Variants in KLK5 observed in about 807,000 individuals in gnomAD.
The protein encoded by KLK5 is kallikrein related peptidase 5.
In KLK5, 18 loss-of-function variants were observed where a neutral mutation model predicts 24.0. That is an observed-to-expected ratio of 0.75 (90% CI 0.52 to 1.11). The LOEUF is 1.11. Among genes scored for constraint, KLK5 ranks in the 50% most tolerant of loss-of-function variants. The probability of loss-of-function intolerance (pLI) is 0.00; values close to 1 mark genes in which losing one functional copy is unlikely to be tolerated. For synonymous variants in KLK5, 140 were observed against 154.0 expected, an observed-to-expected ratio of 0.91 and a Z score of 0.67; for missense variants, 374 against 379.2, an observed-to-expected ratio of 0.99 and a Z score of 0.11.
chr19:50,950,613 TG>T (rs2090678470), intron 2 of KLK5, among the ~76,000 whole-genome samples: 1 of 151,806 alleles, frequency 6.6e-6, no homozygotes, highest in Non-Finnish European at 1.5e-5. Flanking sequence ...GACTTTGGGC[TG>T]GGGGCGGTGG....
At chr19:50,945,009 CCTTT>C (rs935321646) in intron 5 of KLK5, among the ~76,000 whole-genome samples, 1 of 149,318 alleles carries the variant, frequency 6.7e-6, no homozygotes, top group Non-Finnish European at 1.5e-5. Context: ...TCTCTTTCTT[CCTTT>C]CTTTCTCCTT....
intron 5 of KLK5, among the ~76,000 whole-genome samples, chr19:50,944,477 C>T (rs1349548978): frequency 2.0e-5 from 3 of 151,870 alleles, no homozygotes; most frequent in African/African-American, 7.2e-5. Flanking sequence ...TATCTCTCCG[C>T]CTCCCTTTCT....
At chr19:50,952,521 G>A (rs139397663) in intron 2 of KLK5, 64 bp downstream of exon 2, 16 of 1,249,614 alleles carry the variant, frequency 1.3e-5, no homozygotes, top group Admixed American at 1.1e-4. Flanking sequence ...GGGGACAGGC[G>A]CTCTAGTGCC....
At position 50,947,430 on chromosome 19, in the gene KLK5, C is replaced by T. The variant is rs551250132; in HGVS notation, c.726+1210G>A. On this transcript the variant is annotated intron_variant, in intron 5 of 5. Transcript: ENST00000336334. This position sits in a 1 kb window ranked among gnomAD's most constrained non-coding sequence, Gnocchi z 8.7. ...CATCCATTCTCTGCTCAAATGCCAC[C>T]TCTCCAAGGAGGCTCCCCTGACCAC... Among the ~76,000 whole-genome samples, 1 of 152,294 alleles carries T rather than the reference C, an allele frequency of 6.6e-6. No individual in the cohort carries two copies. The highest frequency in any genetic ancestry group is 2.1e-4 in the South Asian group (1 of 4,822).
Position 50,950,029 on chromosome 19 carries a change from G to A in KLK5, c.161C>T (p.Ala54Val). The A allele has an allele frequency of 1.2e-6, 2 of 1,613,578 alleles. No individual in the cohort carries two copies. The highest frequency in any genetic ancestry group is 8.5e-7 in the Non-Finnish European group (1 of 1,179,906). The change falls in exon 3 of 6, where the codon GCC (alanine) becomes GTC (valine). Residue 54 changes from alanine to valine, a missense_variant. Transcript: ENST00000336334. ...SGSNQDLGAGAGEDARSDDSS... is the reference protein window; with the variant it reads ...SGSNQDLGAGVGEDARSDDSS... ...GTCATCCGACCGGGCGTCTTCCCCG[G>A]CCCCAGCTCCCAGGTCCTGGTTGCT...
rs1302756265 is a variant in KLK5, at chr19:50,952,846, C to T, written c.-111G>A. 3 of 449,018 alleles carry T rather than the reference C, an allele frequency of 6.7e-6. No individual in the cohort carries two copies. Among genetic ancestry groups the T allele is most frequent in the Non-Finnish European group, 7.9e-6 (2 of 254,558 alleles). 27.8% of individuals were successfully genotyped at this position (449,018 alleles called of 1,614,324 possible). ...AATTCAGAAGATAGGAGTCTAGCAG[C>T]CTCCAGACAGGGCAAGGAGGGGACA... On this transcript the variant is annotated 5_prime_UTR_variant, in exon 1 of 6. Transcript: ENST00000336334.
At position 50,943,517 on chromosome 19, in the gene KLK5, G is replaced by A. The variant is rs187240680; in HGVS notation, c.*114C>T. The A allele has an allele frequency of 2.4e-3, 2,431 of 1,023,216 alleles. 5 individuals carry two copies. Among genetic ancestry groups the A allele is most frequent in the Non-Finnish European group, 3.1e-3 (2,065 of 669,892 alleles). 63.4% of individuals were successfully genotyped at this position (1,023,216 alleles called of 1,614,324 possible). On this transcript the variant is annotated 3_prime_UTR_variant, in exon 6 of 6. Transcript: ENST00000336334. Reference sequence around the variant, plus strand: ...TGAGTCCAGGAGACATGGGGTCAGGGGCTGGAGAGATGAACATTCTCAACA... The same window carrying A: ...TGAGTCCAGGAGACATGGGGTCAGGAGCTGGAGAGATGAACATTCTCAACA...
chr19:50,948,294 G>A lies in KLK5; in HGVS notation c.726+346C>T, dbSNP rs185745090. Among the ~76,000 whole-genome samples the A allele has an allele frequency of 2.3e-3, 355 of 151,910 alleles. 2 individuals are homozygous for A. Among genetic ancestry groups the A allele is most frequent in the Middle Eastern group, 3.4e-3 (1 of 294 alleles). ...CCGCCACCATGCCAGGCTAATTTTT[G>A]TATTTTTTTTTAGAGACAGAGTTTC... On this transcript the variant is annotated intron_variant, in intron 5 of 5. Transcript: ENST00000336334.
At chr19:50,945,105 T>A (rs1462914963) in intron 5 of KLK5, among the ~76,000 whole-genome samples, 1 of 137,156 alleles carries the variant, frequency 7.3e-6, no homozygotes, top group Non-Finnish European at 1.6e-5. Context: ...TTCGTCTCTT[T>A]TTTTTTTCTT....
In KLK5 at chr19:50,949,877, T is replaced by G; in HGVS notation, c.313A>C (p.Thr105Pro). ...AVLVHPQWLL[T>P]AAHCRKKVFR... ...CACTTCTTCCTGCAGTGGGCGGCCGTGAGCAGCCACTGTGGATGCACCAAC... is the reference window on the plus strand; with the variant it reads ...CACTTCTTCCTGCAGTGGGCGGCCGGGAGCAGCCACTGTGGATGCACCAAC... The change falls in exon 3 of 6, where the codon ACG becomes CCG. Residue 105 changes from threonine (T) to proline (P), a missense_variant. Transcript: ENST00000336334. 6.9e-7 allele frequency: 1 copy of G among 1,439,524 alleles called. No homozygotes were observed. Among genetic ancestry groups the G allele is most frequent in the African/African-American group, 1.5e-5 (1 of 66,976 alleles). The allele number at this position is 1,439,524 out of a possible 1,614,324, so 89.2% of individuals were successfully genotyped here.
intron 3 of KLK5, 55 bp from the exon 4 acceptor site, chr19:50,949,170 C>G: frequency 6.4e-7 from 1 of 1,566,110 alleles, no homozygotes; most frequent in Non-Finnish European, 8.6e-7. Context: ...CCACGTCCAA[C>G]GCCAATCCCA....
At chr19:50,950,537 G>A (rs930378932) in intron 2 of KLK5, among the ~76,000 whole-genome samples, 4 of 151,988 alleles carry the variant, frequency 2.6e-5, no homozygotes, top group Non-Finnish European at 5.9e-5. Flanking sequence ...GCAGGAAGGG[G>A]TTTGGAATTG....
At chr19:50,943,888 G>T in intron 5 of KLK5, 102 bp from the exon 6 acceptor site, 2 of 830,402 alleles carry the variant, frequency 2.4e-6, no homozygotes, top group South Asian at 1.8e-5. Flanking sequence ...AGAAGCAGAT[G>T]GGAACAGACA....
In KLK5 at chr19:50,943,699, G is replaced by A. The variant is rs369452061; in HGVS notation, c.814C>T (p.Pro272Ser). 23 of 1,613,822 alleles carry A rather than the reference G, an allele frequency of 1.4e-5. No homozygotes were observed. The highest frequency in any genetic ancestry group is 1.9e-5 in the Non-Finnish European group (23 of 1,179,932). The change falls in exon 6 of 6, where the codon CCG becomes TCG. Residue 272 changes from proline to serine, a missense_variant. Pro to Ser is a moderately conservative substitution (Grantham distance 74, BLOSUM62 -1). Coordinates refer to ENST00000336334, the MANE Select transcript of KLK5 (RefSeq NM_012427.5). Reference protein sequence around the residue: ...GDYPCARPNRPGVYTNLCKFT... With the variant: ...GDYPCARPNRSGVYTNLCKFT... ...TTGCAGAGGTTCGTGTAGACACCCGGTCTGTTGGGCCGGGCACAAGGGTAA... is the reference window on the plus strand; with the variant it reads ...TTGCAGAGGTTCGTGTAGACACCCGATCTGTTGGGCCGGGCACAAGGGTAA...
chr19:50,950,783 T>C lies in KLK5; in HGVS notation c.74-667A>G, dbSNP rs529159703. On this transcript the variant is annotated intron_variant, in intron 2 of 5. Transcript: ENST00000336334. ...GGCGCGCACCTGTAATCCCAGCTAC[T>C]CAGGAGGTGGAGGCACGAGAATCAC... Among the ~76,000 whole-genome samples, 5 of 149,060 alleles carry C rather than the reference T, an allele frequency of 3.4e-5. No individual in the cohort carries two copies. The East Asian group carries it at 1.0e-3, about 30-fold the overall frequency.
At chr19:50,949,197 C>A (rs1481481677) in intron 3 of KLK5, 82 bp from the exon 4 acceptor site, 5 of 1,405,748 alleles carry the variant, frequency 3.6e-6, no homozygotes, top group Non-Finnish European at 4.8e-6. Flanking sequence ...CACCCAGCCC[C>A]AGCCCCACCC....
intron 5 of KLK5, 144 bp downstream of exon 5, chr19:50,948,496 C>T (rs1463875631): frequency 1.1e-5 from 8 of 740,208 alleles, no homozygotes; most frequent in South Asian, 1.8e-5. Context: ...TTCTACTAAA[C>T]ACCACTACTC....
rs375064879 is a variant in KLK5, at chr19:50,952,705, C to T, written c.-11-37G>A. ...ATGTCAGAGGGTTGGGAGGCCCAGG[C>T]GATCCGGGGAGCCCTTAACCCACTT... On this transcript the variant is annotated intron_variant, in intron 1 of 5. Transcript: ENST00000336334. The T allele has an allele frequency of 5.9e-4, 879 of 1,478,158 alleles. 11 individuals are homozygous for T. The South Asian group carries it at 0.01, about 17-fold the overall frequency. 91.6% of individuals were successfully genotyped at this position (1,478,158 alleles called of 1,614,324 possible). A position where few individuals can be genotyped will look rare whatever the true frequency, so the allele number is the denominator to read the frequency against.
chr19:50,949,818 C>A (rs896316040), intron 3 of KLK5, 37 bp downstream of exon 3: 2 of 1,121,354 alleles, frequency 1.8e-6, no homozygotes, highest in Non-Finnish European at 2.5e-6. Context: ...CCCACTTCCC[C>A]GTCCCCACCA....
Sources: allele counts gnomAD v4.1 joint callset (sites outside exome capture counted in the v4.1 genomes callset), GRCh38; gene constraint gnomAD v4.1.1; non-coding constraint Gnocchi (gnomAD v3.1); transcripts MANE v1.5; gene names NCBI Gene and HGNC (gene_info 2026-07-23, HGNC 2026-07-21).